The following VPS13C variants were observed in gnomAD, a reference collection of about 807,000 sequenced individuals.
VPS13C encodes the protein intermembrane lipid transfer protein VPS13C.
Under a neutral mutation model 456.8 loss-of-function variants are expected in VPS13C, and 358 were observed. The observed-to-expected ratio is 0.78, with a 90% confidence interval of 0.72 to 0.86. The LOEUF is 0.86. VPS13C is among the 40% of genes least tolerant of loss of function. The pLI is 0.00. For missense variants in VPS13C, 4,818 were observed against 4,385.4 expected (o/e 1.10, Z -2.79); for synonymous variants, 1,578 against 1,486.7 (o/e 1.06, Z -1.41).
intron 16 of VPS13C, among the ~76,000 whole-genome samples, chr15:61,998,493 T>A (rs72749742): frequency 0.057 from 8,626 of 152,280 alleles, 463 homozygotes; most frequent in East Asian, 0.2. Context: ...ATCATTTAAG[T>A]GTTTTACATG....
chr15:61,918,293 A>G (rs2043538050), intron 58 of VPS13C, 36 bp from the exon 59 acceptor site: 6 of 1,498,890 alleles, frequency 4.0e-6, no homozygotes, highest in Non-Finnish European at 4.5e-6. Context: ...TTTTTAAAAG[A>G]TATGTAAGTT....
At chr15:61,949,735 A>C in intron 41 of VPS13C, 130 bp from the exon 42 acceptor site, 2 of 780,896 alleles carry the variant, frequency 2.6e-6, no homozygotes, top group Non-Finnish European at 3.8e-6. Context: ...TTTTTTAAGA[A>C]CTCACTATTA....
chr15:62,036,814 T>C (rs1438626362), intron 3 of VPS13C, among the ~76,000 whole-genome samples: 3 of 151,922 alleles, frequency 2.0e-5, no homozygotes, highest in Non-Finnish European at 2.9e-5. Flanking sequence ...CCTCCTTTTA[T>C]AGATCAGGAA....
intron 3 of VPS13C, among the ~76,000 whole-genome samples, chr15:62,037,299 A>ACATT (rs1567136823): frequency 1.6e-5 from 1 of 63,966 alleles, no homozygotes; most frequent in Non-Finnish European, 2.7e-5. Context: ...TATATTATAT[A>ACATT]ATATATATAT....
chr15:61,914,484 G>A (rs1037760667), intron 61 of VPS13C, among the ~76,000 whole-genome samples: 2 of 151,826 alleles, frequency 1.3e-5, no homozygotes, highest in African/African-American at 2.4e-5. Context: ...CAGGAGAATC[G>A]CTTGAACCCG....
At chr15:62,037,276 ATAT>A (rs545674524) in intron 3 of VPS13C, among the ~76,000 whole-genome samples, 2 of 73,212 alleles carry the variant, frequency 2.7e-5, no homozygotes, top group African/African-American at 5.8e-5. Context: ...ATTATATAAT[ATAT>A]TATATATATT....
intron 5 of VPS13C, among the ~76,000 whole-genome samples, chr15:62,030,859 A>G (rs957042727): frequency 2.6e-5 from 4 of 152,150 alleles, no homozygotes; most frequent in African/African-American, 7.2e-5. Context: ...TCTGGAGGGT[A>G]GCAAAGGATG....
intron 61 of VPS13C, 21 bp from the exon 62 acceptor site, chr15:61,913,436 C>T (rs373952709): frequency 4.4e-6 from 7 of 1,584,312 alleles, no homozygotes; most frequent in African/African-American, 4.0e-5. Context: ...GAGCACATAT[C>T]GTCATATAAG....
rs895289815 is a variant in VPS13C, at chr15:61,962,906, C to T, written c.3332-54G>A. ...TCTACAGACCTACCATAAATAAGAT[C>T]TTTCTTTCCATTACATTATTTTATT... On this transcript the variant is annotated intron_variant, in intron 32 of 84. Transcript: ENST00000644861. The T allele has an allele frequency of 7.2e-6, 9 of 1,245,180 alleles. No homozygotes were observed. In the African/African-American group the frequency reaches 1.4e-4, roughly 19 times the overall value. The allele number at this position is 1,245,180 out of a possible 1,614,324, so 77.1% of individuals were successfully genotyped here. A position where few individuals can be genotyped will look rare whatever the true frequency, so the allele number is the denominator to read the frequency against.
Position 61,980,756 on chromosome 15 carries a change from T to C in VPS13C, c.2166+586A>G, listed in dbSNP as rs911089037. ...ATCCTTGAGAGATGGACTAAATGGC[T>C]GGTATCATCACTTACAAAAGTGTCT... On this transcript the variant is annotated intron_variant, in intron 22 of 84. Coordinates refer to ENST00000644861, the MANE Select transcript of VPS13C (RefSeq NM_020821.3). 2.0e-5 allele frequency among the ~76,000 whole-genome samples: 3 copies of C among 152,204 alleles called. No homozygotes were observed. The East Asian group carries it at 5.8e-4, about 29-fold the overall frequency.
At chr15:61,980,656 A>C (rs973936815) in intron 22 of VPS13C, among the ~76,000 whole-genome samples, 5 of 152,054 alleles carry the variant, frequency 3.3e-5, no homozygotes, top group African/African-American at 1.2e-4. Flanking sequence ...AAAAATCTAT[A>C]AACAGTACCT....
chr15:62,011,453 G>A (rs967121735), intron 12 of VPS13C, among the ~76,000 whole-genome samples: 7 of 151,862 alleles, frequency 4.6e-5, no homozygotes, highest in Non-Finnish European at 7.4e-5. Flanking sequence ...ATTATCCAGC[G>A]TCAATTAGTT....
chr15:61,950,440 C>T (rs749583100), intron 40 of VPS13C, 23 bp from the exon 41 acceptor site: 4 of 1,582,398 alleles, frequency 2.5e-6, no homozygotes, highest in South Asian at 1.1e-5. Context: ...GAGAATTACA[C>T]CACTGAGTTT....
intron 66 of VPS13C, among the ~76,000 whole-genome samples, chr15:61,899,518 T>A (rs2042933509): frequency 6.6e-6 from 1 of 151,710 alleles, no homozygotes; most frequent in Non-Finnish European, 1.5e-5. Flanking sequence ...CTAGAAGAAA[T>A]GGATAAATTC....
At chr15:61,976,981 G>A (rs964764077) in intron 24 of VPS13C, 101 bp downstream of exon 24, 5 of 770,052 alleles carry the variant, frequency 6.5e-6, no homozygotes, top group Admixed American at 5.4e-5. Context: ...CATTTTTGCT[G>A]TCTCCCACAG....
intron 1 of VPS13C, among the ~76,000 whole-genome samples, chr15:62,056,982 C>T (rs2048823717): frequency 6.6e-6 from 1 of 152,106 alleles, no homozygotes; most frequent in Non-Finnish European, 1.5e-5. Flanking sequence ...TAAATAACAG[C>T]GCAGCCAGAC....
At chr15:61,971,552 T>C (rs2140350919) in intron 27 of VPS13C, among the ~76,000 whole-genome samples, 1 of 152,250 alleles carries the variant, frequency 6.6e-6, no homozygotes, top group East Asian at 1.9e-4. Context: ...TGAGCCACCA[T>C]GCCCGGCCTG....
At chr15:61,949,356 A>G in intron 42 of VPS13C, 87 bp downstream of exon 42, 1 of 1,459,636 alleles carries the variant, frequency 6.9e-7, no homozygotes, top group Admixed American at 2.1e-5. Flanking sequence ...TCAACATGCT[A>G]AATATTCATC....
At chr15:62,006,078 G>C (rs2046830231) in intron 15 of VPS13C, among the ~76,000 whole-genome samples, 1 of 140,954 alleles carries the variant, frequency 7.1e-6, no homozygotes, top group African/African-American at 2.6e-5. Context: ...TTTTGTTTTT[G>C]TTTTTTTTTA....
Sources: gnomAD v4.1 joint callset for allele counts (sites outside exome capture counted in the v4.1 genomes callset) on GRCh38, gnomAD v4.1.1 for gene constraint, MANE v1.5 for transcripts, NCBI Gene and HGNC (gene_info 2026-07-23, HGNC 2026-07-21) for gene names.